ADAMTS16: variants seen among roughly 807,000 people sequenced by gnomAD.
ADAMTS16 encodes ADAM metallopeptidase with thrombospondin type 1 motif 16, also known as A disintegrin and metalloproteinase with thrombospondin motifs 16.
In ADAMTS16, 94 loss-of-function variants were observed where a neutral mutation model predicts 145.8. The ratio of observed to expected loss-of-function variants is 0.64; its 90% CI spans 0.55 to 0.77. ADAMTS16 has a LOEUF of 0.77. Among genes scored for constraint, ADAMTS16 ranks in the 30% least tolerant of loss-of-function variants. The pLI, the probability that ADAMTS16 is intolerant of heterozygous loss-of-function variation, is 0.00. For missense variants in ADAMTS16, 1,585 were observed against 1,591.5 expected, an observed-to-expected ratio of 1.00 and a Z score of 0.07; for synonymous variants, 659 against 604.3, an observed-to-expected ratio of 1.09 and a Z score of -1.33.
At chr5:5,185,245 C>G (rs1167454284) in intron 4 of ADAMTS16, among the ~76,000 whole-genome samples, 4 of 152,178 alleles carry the variant, frequency 2.6e-5, no homozygotes, top group African/African-American at 9.7e-5. Flanking sequence ...ATAGCATCTG[C>G]TTACAGTATG....
At position 5,209,341 on chromosome 5, in the gene ADAMTS16, A is replaced by G. The variant is rs946281606; in HGVS notation, c.1605+95A>G. 59 of 1,443,304 alleles carry G rather than the reference A, an allele frequency of 4.1e-5. 1 individual carries two copies. The South Asian group carries it at 5.1e-4, about 13-fold the overall frequency. The allele number at this position is 1,443,304 out of a possible 1,614,324, so 89.4% of individuals were successfully genotyped here. A position where few individuals can be genotyped will look rare whatever the true frequency, so the allele number is the denominator to read the frequency against. On this transcript the variant is annotated intron_variant, in intron 10 of 22. Transcript: ENST00000274181. ...TTGATATATTCTGCATTTATTGGGT[A>G]CCTACCAAATGTCAAATCCTGTATG...
intron 18 of ADAMTS16, among the ~76,000 whole-genome samples, chr5:5,294,143 G>A (rs1445047733): frequency 6.6e-6 from 1 of 152,164 alleles, no homozygotes; most frequent in Non-Finnish European, 1.5e-5. Context: ...AGAAGCTAGG[G>A]GACAATTAAG....
intron 18 of ADAMTS16, among the ~76,000 whole-genome samples, chr5:5,299,690 C>G (rs1240315431): frequency 6.6e-6 from 1 of 152,076 alleles, no homozygotes; most frequent in Non-Finnish European, 1.5e-5. Flanking sequence ...AAAGGAGCAC[C>G]CTGGGAGGGA....
chr5:5,277,637 G>GGGC, intron 18 of ADAMTS16, among the ~76,000 whole-genome samples: 1 of 152,038 alleles, frequency 6.6e-6, no homozygotes, highest in East Asian at 1.9e-4. Context: ...CCAATAATTA[G>GGGC]GGCTTTTTCA....
intron 18 of ADAMTS16, among the ~76,000 whole-genome samples, chr5:5,302,575 G>A (rs921060651): frequency 4.6e-5 from 7 of 152,038 alleles, no homozygotes; most frequent in African/African-American, 7.2e-5. Flanking sequence ...GGAAAGATCC[G>A]GTTTCTTTAA....
At chr5:5,305,753 T>C (rs1056615860) in intron 20 of ADAMTS16, among the ~76,000 whole-genome samples, 3 of 152,122 alleles carry the variant, frequency 2.0e-5, no homozygotes, top group Non-Finnish European at 4.4e-5. Flanking sequence ...CAGCCAGAGG[T>C]CCACTGGAGC....
chr5:5,198,453 C>T (rs749264891), intron 8 of ADAMTS16, among the ~76,000 whole-genome samples: 4 of 152,112 alleles, frequency 2.6e-5, no homozygotes, highest in African/African-American at 9.7e-5. Context: ...CCTTGGATAC[C>T]GCCTTCAATC....
Position 5,319,852 on chromosome 5 carries a change from A to AT in ADAMTS16, c.*720dup, listed in dbSNP as rs757268714. On this transcript the variant is annotated 3_prime_UTR_variant, in exon 23 of 23. Coordinates refer to ENST00000274181, the MANE Select transcript of ADAMTS16 (RefSeq NM_139056.4). ...TTCAGATTCATGCATTGAAGGAGAGATTTTTTATACTTTATGTTTTATCTT... is the reference window on the plus strand; with the variant it reads ...TTCAGATTCATGCATTGAAGGAGAGATTTTTTTATACTTTATGTTTTATCTT... 3.1e-5 allele frequency: 14 copies of AT among 455,314 alleles called. No homozygotes were observed. The highest frequency in any genetic ancestry group is 1.0e-4 in the African/African-American group (5 of 49,906). 28.2% of individuals were successfully genotyped at this position (455,314 alleles called of 1,614,324 possible). A position where few individuals can be genotyped will look rare whatever the true frequency, so the allele number is the denominator to read the frequency against.
At chr5:5,297,663 A>T (rs1739597170) in intron 18 of ADAMTS16, among the ~76,000 whole-genome samples, 1 of 152,146 alleles carries the variant, frequency 6.6e-6, no homozygotes, top group African/African-American at 2.4e-5. Context: ...GAGACAGGAA[A>T]ACCTGGTAAA....
intron 3 of ADAMTS16, among the ~76,000 whole-genome samples, chr5:5,149,874 C>T (rs2101011): frequency 1 from 151,803 of 152,346 alleles, 75,650 homozygotes; most frequent in Middle Eastern, 1. Context: ...GCAGCACATA[C>T]CAGTACTTTA....
chr5:5,306,630 C>G lies in ADAMTS16; in HGVS notation c.3313C>G (p.Leu1105Val). Residue 1105 changes from leucine (L) to valine (V), a missense_variant, in exon 21 of 23, where the codon CTG (leucine) becomes GTG (valine). Coordinates refer to ENST00000274181, the MANE Select transcript of ADAMTS16 (RefSeq NM_139056.4). ...ACATTTGCCGAAGCCCAGCCTGGAG[C>G]TGGAACGTGCCTGCGCCCCGCTTCC... ...CSHLPKPSLE[L>V]ERACAPLPCP... 6.2e-7 allele frequency: 1 copy of G among 1,614,202 alleles called. No homozygotes were observed.
intron 3 of ADAMTS16, among the ~76,000 whole-genome samples, chr5:5,168,755 A>AT (rs1560932069): frequency 1.4e-5 from 2 of 139,672 alleles, no homozygotes; most frequent in African/African-American, 5.3e-5. Flanking sequence ...ATAATTATAT[A>AT]ATTATATTTT....
chr5:5,285,722 T>C (rs1326906238), intron 18 of ADAMTS16, among the ~76,000 whole-genome samples: 1 of 152,214 alleles, frequency 6.6e-6, no homozygotes, highest in African/African-American at 2.4e-5. Context: ...AGACTTGCAA[T>C]AGATGTTGAT....
At chr5:5,250,465 T>G (rs965520296) in intron 17 of ADAMTS16, among the ~76,000 whole-genome samples, 1 of 152,204 alleles carries the variant, frequency 6.6e-6, no homozygotes, top group African/African-American at 2.4e-5. Context: ...CCAATAGTGC[T>G]GGATTAACCA....
At chr5:5,222,544 AT>A (rs1736637188) in intron 10 of ADAMTS16, among the ~76,000 whole-genome samples, 2 of 152,314 alleles carry the variant, frequency 1.3e-5, no homozygotes, top group South Asian at 2.1e-4. Flanking sequence ...AGAAAATATA[AT>A]TTTGTTAAAA....
intron 9 of ADAMTS16, among the ~76,000 whole-genome samples, chr5:5,208,335 G>T (rs940644859): frequency 2.6e-5 from 4 of 152,176 alleles, no homozygotes; most frequent in Non-Finnish European, 5.9e-5. Flanking sequence ...TTTTCTCAGG[G>T]AAGGGCCTAT....
intron 3 of ADAMTS16, among the ~76,000 whole-genome samples, chr5:5,157,823 A>G (rs1018978334): frequency 6.6e-6 from 1 of 152,200 alleles, no homozygotes; most frequent in African/African-American, 2.4e-5. Flanking sequence ...TTTTTCAAAG[A>G]ATGTTATTTT....
intron 10 of ADAMTS16, among the ~76,000 whole-genome samples, chr5:5,221,275 G>T (rs1002275118): frequency 2.4e-4 from 37 of 151,956 alleles, no homozygotes; most frequent in Admixed American, 9.8e-4. Context: ...TCTAAACTCC[G>T]TTCTGGCCAA....
chr5:5,232,182 G>T (rs949717441), intron 11 of ADAMTS16, among the ~76,000 whole-genome samples, 186 bp from the exon 12 acceptor site: 1 of 66,326 alleles, frequency 1.5e-5, no homozygotes, highest in African/African-American at 8.5e-5. Flanking sequence ...TGCTAGGTTG[G>T]GTAAGGAAAA....
Sources: allele counts gnomAD v4.1 joint callset (sites outside exome capture counted in the v4.1 genomes callset), GRCh38; gene constraint gnomAD v4.1.1; transcripts MANE v1.5; gene names NCBI Gene and HGNC (gene_info 2026-07-23, HGNC 2026-07-21).